The following DPH6 variants were observed in gnomAD, a reference collection of about 807,000 sequenced individuals.
DPH6 encodes diphthine--ammonia ligase.
A neutral mutation model predicts 38.2 loss-of-function variants in DPH6; 33 were observed. The ratio of observed to expected loss-of-function variants is 0.86; its 90% CI spans 0.65 to 1.15. The LOEUF (loss-of-function observed/expected upper bound fraction) is 1.15, where lower values mean the gene tolerates loss of function less well. Ranked by LOEUF, DPH6 falls within the 50% of genes most tolerant of loss-of-function variation. The probability of loss-of-function intolerance (pLI) is 0.00; values close to 1 mark genes in which losing one functional copy is unlikely to be tolerated. For missense variants in DPH6, 325 were observed against 320.0 expected (o/e 1.02, Z -0.12); for synonymous variants, 108 against 103.0 (o/e 1.05, Z -0.30).
rs556414739 is a variant in DPH6, at chr15:35,242,330, T to A, written n.201-21748A>T. On this transcript the variant is annotated intron_variant and non_coding_transcript_variant, in intron 3 of 3. Coordinates refer to the DPH6 transcript ENST00000560386. The stretch of plus-strand genomic sequence containing the variant: ...CTAGGCATGGTTAGTGCGGTCAGAA[T>A]TCTTACACAAGAGCCAGGACCGCAC... Among the ~76,000 whole-genome samples the A allele has an allele frequency of 1.7e-4, 24 of 142,962 alleles. 1 individual carries two copies. The highest frequency in any genetic ancestry group is 5.8e-4 in the African/African-American group (23 of 39,372). 93.8% of individuals were successfully genotyped at this position (142,962 alleles called of 152,430 possible). A position where few individuals can be genotyped will look rare whatever the true frequency, so the allele number is the denominator to read the frequency against.
At position 35,399,058 on chromosome 15, in the gene DPH6, C is replaced by T. The variant is rs552620817; in HGVS notation, c.567+11777G>A. On this transcript the variant is annotated intron_variant, in intron 6 of 8. Coordinates refer to ENST00000256538, the MANE Select transcript of DPH6 (RefSeq NM_080650.4). ...TACAATCAAATTCTTAGGCTCCCTG[C>T]TCTTAAATATTAGCATAATAACACA... Among the ~76,000 whole-genome samples the T allele has an allele frequency of 3.3e-5, 5 of 152,242 alleles. No homozygotes were observed. In the South Asian group the frequency reaches 6.2e-4, roughly 19 times the overall value.
the DPH6 span, among the ~76,000 whole-genome samples, chr15:35,186,235 T>C: frequency 6.6e-6 from 1 of 152,144 alleles, no homozygotes; most frequent in African/African-American, 2.4e-5. Context: ...GCAACTCCTT[T>C]ATATCTTCAA....
the DPH6 span, among the ~76,000 whole-genome samples, chr15:35,200,124 C>G: frequency 3.9e-5 from 6 of 152,184 alleles, no homozygotes; most frequent in African/African-American, 1.4e-4. Flanking sequence ...TCTCCATCTG[C>G]AAGCCAAATG....
chr15:35,419,895 C>A (rs1432974584), intron 5 of DPH6, among the ~76,000 whole-genome samples: 1 of 152,048 alleles, frequency 6.6e-6, no homozygotes, highest in Non-Finnish European at 1.5e-5. Context: ...GACAGAAAAT[C>A]AATAAGGAAA....
intron 3 of DPH6, among the ~76,000 whole-genome samples, chr15:35,456,326 T>C (rs1349536809): frequency 1.3e-5 from 2 of 151,858 alleles, no homozygotes; most frequent in Non-Finnish European, 2.9e-5. Flanking sequence ...TAGATGTTTA[T>C]CTGAAGTTCT....
At chr15:35,529,552 T>A (rs1465328197) in intron 3 of DPH6, among the ~76,000 whole-genome samples, 1 of 152,084 alleles carries the variant, frequency 6.6e-6, no homozygotes, top group East Asian at 1.9e-4. Context: ...CAAATGGGAT[T>A]TTTTCACCCT....
At chr15:35,540,535 AC>A (rs1423392471) in intron 2 of DPH6, among the ~76,000 whole-genome samples, 1 of 152,038 alleles carries the variant, frequency 6.6e-6, no homozygotes, top group Non-Finnish European at 1.5e-5. Context: ...GATGAGCTAA[AC>A]CATCTCCATC....
intron 3 of DPH6, among the ~76,000 whole-genome samples, chr15:35,235,220 A>T (rs1486504925): frequency 6.6e-6 from 1 of 152,150 alleles, no homozygotes; most frequent in African/African-American, 2.4e-5. Flanking sequence ...TTTTCCAATG[A>T]CTGTCTAGTC....
chr15:35,237,066 T>G (rs927707330), intron 3 of DPH6: 2 of 482,930 alleles, frequency 4.1e-6, no homozygotes, highest in East Asian at 3.7e-5. Context: ...TTGGAATGCA[T>G]GCACATAGGC....
At chr15:35,489,526 A>G (rs891034208) in intron 3 of DPH6, 40 of 983,376 alleles carry the variant, frequency 4.1e-5, no homozygotes, top group Middle Eastern at 5.2e-4. Context: ...TATTTTCATA[A>G]TCTTTTGCAG....
chr15:35,542,945 A>AAT (rs67141062), intron 1 of DPH6, among the ~76,000 whole-genome samples: 329 of 30,226 alleles, frequency 0.011, 43 homozygotes, highest in African/African-American at 0.02. Flanking sequence ...CCACTTAAGG[A>AAT]ATATATATAT....
intron 3 of DPH6, among the ~76,000 whole-genome samples, chr15:35,510,015 A>C (rs1168511512): frequency 6.6e-6 from 1 of 152,168 alleles, no homozygotes; most frequent in African/African-American, 2.4e-5. Flanking sequence ...CACAAGTTTG[A>C]GACCAGCCTG....
At chr15:35,316,718 T>C (rs916401425) in intron 3 of DPH6, among the ~76,000 whole-genome samples, 2 of 151,884 alleles carry the variant, frequency 1.3e-5, no homozygotes, top group Non-Finnish European at 2.9e-5. Context: ...ATTTCTGAAG[T>C]GAAAGACATG....
At chr15:35,489,360 CCA>C (rs2054446282) in intron 3 of DPH6, 1 of 985,174 alleles carries the variant, frequency 1.0e-6, no homozygotes, top group African/African-American at 1.7e-5. Flanking sequence ...ATCCCTGGTC[CCA>C]GTTTCATTAA....
At chr15:35,455,233 C>A (rs1477429481) in intron 3 of DPH6, among the ~76,000 whole-genome samples, 1 of 151,954 alleles carries the variant, frequency 6.6e-6, no homozygotes, top group Non-Finnish European at 1.5e-5. Context: ...GATAAGGGAG[C>A]ACAATAATTT....
chr15:35,209,007 T>C, the DPH6 span, among the ~76,000 whole-genome samples: 2 of 152,174 alleles, frequency 1.3e-5, no homozygotes, highest in East Asian at 1.9e-4. Flanking sequence ...GAAAGATTTA[T>C]GGTTTTCTTT....
At chr15:35,291,722 G>GAT (rs1390020880) in intron 3 of DPH6, among the ~76,000 whole-genome samples, 4 of 152,276 alleles carry the variant, frequency 2.6e-5, no homozygotes, top group African/African-American at 9.6e-5. Flanking sequence ...GGCTTAAGGT[G>GAT]ATAGCTCAGC....
At chr15:35,285,872 G>GTTTTTTTTTGTTTTTTTTT (rs2051938608) in intron 3 of DPH6, among the ~76,000 whole-genome samples, 2 of 52,792 alleles carry the variant, frequency 3.8e-5, no homozygotes, top group Non-Finnish European at 6.5e-5. Context: ...TTATCTTTGA[G>GTTTTTTTTTGTTTTTTTTT]TTTTTTTTTT....
downstream of DPH6, among the ~76,000 whole-genome samples, chr15:35,369,441 C>A (rs2052690358): frequency 6.6e-6 from 1 of 151,360 alleles, no homozygotes; most frequent in Non-Finnish European, 1.5e-5. Context: ...AGCATTTATT[C>A]ATCTTTCTTT....
Sources: gnomAD v4.1 joint callset for allele counts (sites outside exome capture counted in the v4.1 genomes callset) on GRCh38, gnomAD v4.1.1 for gene constraint, MANE v1.5 for transcripts, NCBI Gene and HGNC (gene_info 2026-07-23, HGNC 2026-07-21) for gene names.